Variants in P2RX6 observed in about 807,000 individuals in gnomAD.
P2RX6 encodes purinergic receptor P2X 6.
A neutral mutation model predicts 54.2 loss-of-function variants in P2RX6; 62 were observed. The observed-to-expected ratio is 1.14, with a 90% CI of 0.93 to 1.41. The LOEUF is 1.41. P2RX6 is among the 40% of genes most tolerant of loss of function. P2RX6 has a pLI of 0.00. For synonymous variants in P2RX6, 211 were observed against 231.9 expected (o/e 0.91, Z 0.82); for missense variants, 541 against 566.3 (o/e 0.96, Z 0.45).
Position 21,023,543 on chromosome 22 carries a change from G to C in P2RX6, c.815G>C (p.Cys272Ser). 6.2e-7 allele frequency: 1 copy of C among 1,613,812 alleles called. No individual in the cohort carries two copies. The highest frequency in any genetic ancestry group is 2.2e-5 in the East Asian group (1 of 44,876). Residue 272 changes from cysteine to serine, a missense_variant, in exon 8 of 12, where the codon TGT becomes TCT. This residue lies in a region of P2RX6 where 526 missense variants were observed against 531.5 expected (regional missense o/e 0.99). Coordinates refer to ENST00000413302, the MANE Select transcript of P2RX6 (RefSeq NM_005446.5). ...GTAGGCATCAGAGTTCACTGGGATT[G>C]TGACCTGGACACCGGGGACTCTGGC... is the stretch of plus-strand genomic sequence containing the variant. Reference protein sequence around the residue: ...GSVGIRVHWDCDLDTGDSGCW... With the variant: ...GSVGIRVHWDSDLDTGDSGCW...
Position 21,022,942 on chromosome 22 carries a change from G to A in P2RX6, c.464G>A (p.Gly155Asp), listed in dbSNP as rs1218533656. 1 of 1,612,484 alleles carries A rather than the reference G, an allele frequency of 6.2e-7. No individual in the cohort carries two copies. Among genetic ancestry groups the A allele is most frequent in the African/African-American group, 1.3e-5 (1 of 74,994 alleles). ...CTGGAGTTCATCTTTTGTTTTCTAG[G>A]TGTAAAAACAGGCCAGTGTGTGGTG... ...PEGEGGTHSH[G>D]VKTGQCVVFN... is the part of the protein sequence containing the mutation. Residue 155 changes from glycine (G) to aspartate (D), a missense_variant and splice_region_variant, in exon 5 of 12, where the codon GGT becomes GAT. By Grantham distance (94) the Gly-to-Asp change is moderately conservative. Transcript: ENST00000413302.
At chr22:21,014,975 T>A, upstream of P2RX6, 1 of 499,990 alleles carries the variant, frequency 2.0e-6, no homozygotes, top group Non-Finnish European at 3.5e-6. Context: ...CTGTTCTCTG[T>A]GTGCCAGGGC....
At position 21,026,743 on chromosome 22, in the gene P2RX6, C is replaced by T; in HGVS notation, c.*126C>T. On this transcript the variant is annotated 3_prime_UTR_variant, in exon 12 of 12. Coordinates refer to ENST00000413302, the MANE Select transcript of P2RX6 (RefSeq NM_005446.5). This position sits in a 1 kb window ranked among gnomAD's most constrained non-coding sequence, Gnocchi z 4.0. The stretch of plus-strand genomic sequence containing the variant: ...CACCCTTGAACCCCAGCAGACAGTC[C>T]CTCCCCTGACTCCCACCTTGGTAGG... 22 of 1,448,674 alleles carry T rather than the reference C, an allele frequency of 1.5e-5. No individual in the cohort carries two copies. The highest frequency in any genetic ancestry group is 1.9e-5 in the Non-Finnish European group (21 of 1,099,210). 89.7% of individuals were successfully genotyped at this position (1,448,674 alleles called of 1,614,324 possible). A position where few individuals can be genotyped will look rare whatever the true frequency, so the allele number is the denominator to read the frequency against.
intron 3 of P2RX6, among the ~76,000 whole-genome samples, chr22:21,020,939 G>A (rs1927280489): frequency 6.6e-6 from 1 of 151,994 alleles, no homozygotes; most frequent in African/African-American, 2.4e-5. Context: ...TTTGGTTGAA[G>A]CAGGATGTCG....
In P2RX6 at chr22:21,023,381, A is replaced by G. The variant is rs1276323562; in HGVS notation, c.745A>G (p.Lys249Glu). The G allele has an allele frequency of 3.1e-6, 5 of 1,613,860 alleles. No homozygotes were observed. The East Asian group carries it at 1.1e-4, about 36-fold the overall frequency. The change falls in exon 7 of 12, where the codon AAG becomes GAG. Residue 249 changes from lysine (K) to glutamate (E), a missense_variant. Transcript: ENST00000413302. ...PVFRIGDLVA[K>E]AGGTFEDLAL... ...GTTCCGCATTGGGGACCTCGTGGCCAAGGCTGGAGGGACCTTCGAGGACCT... is the reference window on the plus strand; with the variant it reads ...GTTCCGCATTGGGGACCTCGTGGCCGAGGCTGGAGGGACCTTCGAGGACCT...
intron 8 of P2RX6, 113 bp downstream of exon 8, chr22:21,023,731 A>T: frequency 1.3e-6 from 1 of 741,768 alleles, no homozygotes; most frequent in Non-Finnish European, 2.3e-6. Flanking sequence ...CTACGTGTGC[A>T]AGGGGGTCCC....
intron 6 of P2RX6, 31 bp from the exon 7 acceptor site, chr22:21,023,244 T>TA (rs776138003): frequency 6.2e-7 from 1 of 1,613,926 alleles, no homozygotes; most frequent in South Asian, 1.1e-5. Context: ...CCTTGTCCCC[T>TA]ACCTCATCTG....
rs1049665353 is a variant in P2RX6, at chr22:21,027,782, A to C, written c.*1165A>C. ...GGGCTGAGACTGGGCTGACATCTAG[A>C]ATCACCTGCCACCTGGAGCCTCAGT... is the stretch of plus-strand genomic sequence containing the variant. On this transcript the variant is annotated 3_prime_UTR_variant, in exon 12 of 12. Coordinates refer to ENST00000413302, the MANE Select transcript of P2RX6 (RefSeq NM_005446.5). 1 of 152,414 alleles carries C rather than the reference A, an allele frequency of 6.6e-6. No homozygotes were observed. The highest frequency in any genetic ancestry group is 2.4e-5 in the African/African-American group (1 of 41,394). 9.4% of individuals were successfully genotyped at this position (152,414 alleles called of 1,614,324 possible). A position where few individuals can be genotyped will look rare whatever the true frequency, so the allele number is the denominator to read the frequency against.
At chr22:21,022,198 T>A (rs1661641114) in intron 3 of P2RX6, among the ~76,000 whole-genome samples, 1 of 151,652 alleles carries the variant, frequency 6.6e-6, no homozygotes. Flanking sequence ...CAAGACTCCA[T>A]CTCTACAAAA....
chr22:21,025,297 G>A (rs1928228963), intron 8 of P2RX6, among the ~76,000 whole-genome samples: 2 of 152,052 alleles, frequency 1.3e-5, no homozygotes, highest in South Asian at 4.2e-4. Flanking sequence ...CGACCACCAG[G>A]CCTGGGGATG....
At chr22:21,019,552 G>GA (rs1926997365) in intron 3 of P2RX6, among the ~76,000 whole-genome samples, 1 of 152,198 alleles carries the variant, frequency 6.6e-6, no homozygotes, top group Admixed American at 6.5e-5. Flanking sequence ...GGCCTCAGGT[G>GA]ACCCACCAGC....
At chr22:21,017,933 C>A (rs553735870) in intron 2 of P2RX6, 56 bp from the exon 3 acceptor site, 1 of 1,141,208 alleles carries the variant, frequency 8.8e-7, no homozygotes, top group Non-Finnish European at 1.3e-6. Flanking sequence ...TGCCGGCTTC[C>A]GGCCTTTCCA....
rs9625331 is a variant in P2RX6 at position 21,016,137 on chromosome 22, A to G, written c.315+45A>G. ...TGACGGGGGCGCAAGTCCTTTCCCC[A>G]CTGACAGCCTGAACACCCGCCATGC... On this transcript the variant is annotated intron_variant, in intron 2 of 11. Transcript: ENST00000413302. 1.3e-4 allele frequency: 207 copies of G among 1,537,032 alleles called. 2 individuals carry two copies. In the African/African-American group the frequency reaches 2.2e-3, roughly 16 times the overall value.
intron 8 of P2RX6, 26 bp downstream of exon 8, chr22:21,023,644 C>G: frequency 6.6e-7 from 1 of 1,517,902 alleles, no homozygotes; most frequent in South Asian, 1.2e-5. Flanking sequence ...TCCCAGTGCC[C>G]AGCTGCTGGG....
upstream of P2RX6, among the ~76,000 whole-genome samples, chr22:21,012,883 A>C (rs1925827909): frequency 6.6e-6 from 1 of 151,686 alleles, no homozygotes; most frequent in Admixed American, 6.6e-5. Flanking sequence ...CATCTGTCAT[A>C]GCATCAATCC....
chr22:21,024,572 G>A (rs1206013103), intron 8 of P2RX6, among the ~76,000 whole-genome samples: 1 of 151,876 alleles, frequency 6.6e-6, no homozygotes, highest in Admixed American at 6.6e-5. Context: ...CACCACGCCC[G>A]ACCTTTTTTT....
intron 1 of P2RX6, 120 bp from the exon 2 acceptor site, chr22:21,015,822 C>CT: frequency 9.6e-7 from 1 of 1,041,128 alleles, no homozygotes; most frequent in African/African-American, 1.6e-5. Context: ...GAGGTGGGGC[C>CT]TTCGATGTTG....
rs773704131 is a variant in P2RX6 at position 21,026,777 on chromosome 22, T to C, written c.*160T>C. On this transcript the variant is annotated 3_prime_UTR_variant, in exon 12 of 12. Coordinates refer to ENST00000413302, the MANE Select transcript of P2RX6 (RefSeq NM_005446.5). This position sits in a 1 kb window ranked among gnomAD's most constrained non-coding sequence, Gnocchi z 4.0. ...ACTCCCACCTTGGTAGGGTGCTGCC[T>C]CAGGGAGCCATAGAAGTCGGCTGTG... is the stretch of plus-strand genomic sequence containing the variant. The C allele has an allele frequency of 1.0e-5, 14 of 1,386,976 alleles. No individual in the cohort carries two copies. The highest frequency in any genetic ancestry group is 1.5e-5 in the African/African-American group (1 of 68,836). The allele number at this position is 1,386,976 out of a possible 1,614,324, so 85.9% of individuals were successfully genotyped here. A position where few individuals can be genotyped will look rare whatever the true frequency, so the allele number is the denominator to read the frequency against.
intron 3 of P2RX6, 42 bp downstream of exon 3, chr22:21,018,102 C>A (rs1375208237): frequency 1.4e-6 from 2 of 1,409,596 alleles, no homozygotes; most frequent in East Asian, 2.3e-5. Flanking sequence ...CCTTGTTCCT[C>A]CATCAGCCCC....
Sources: gnomAD v4.1 joint callset for allele counts (sites outside exome capture counted in the v4.1 genomes callset) on GRCh38, gnomAD v4.1.1 for gene constraint, gnomAD v4.1.1 regional missense constraint, Gnocchi (gnomAD v3.1) non-coding constraint, MANE v1.5 for transcripts, NCBI Gene and HGNC (gene_info 2026-07-23, HGNC 2026-07-21) for gene names.